Variants in NECTIN2 observed in about 807,000 individuals in gnomAD.
NECTIN2 encodes the protein nectin-2.
In NECTIN2, 23 loss-of-function variants were observed where a neutral mutation model predicts 56.9. That is an observed-to-expected ratio of 0.40 (90% CI 0.29 to 0.57). The LOEUF is 0.57. NECTIN2 is among the 20% of genes least tolerant of loss of function. The pLI is 0.38. For missense variants in NECTIN2, 587 were observed against 718.3 expected (o/e 0.82, Z 2.09); for synonymous variants, 302 against 313.8 (o/e 0.96, Z 0.40).
At chr19:44,860,265 C>T (rs1414942018) in intron 1 of NECTIN2, among the ~76,000 whole-genome samples, 2 of 152,100 alleles carry the variant, frequency 1.3e-5, no homozygotes, top group Non-Finnish European at 2.9e-5. Flanking sequence ...TGGCTCATGC[C>T]CGTAATCCGA....
chr19:44,872,342 C>A (rs1389497203), intron 3 of NECTIN2, among the ~76,000 whole-genome samples, 193 bp downstream of exon 3: 1 of 152,134 alleles, frequency 6.6e-6, no homozygotes, highest in Non-Finnish European at 1.5e-5. Context: ...TCTACATTGG[C>A]TTTACTGGGT....
chr19:44,881,070 G>C (rs986027591), intron 5 of NECTIN2, among the ~76,000 whole-genome samples: 1 of 109,664 alleles, frequency 9.1e-6, no homozygotes, highest in Non-Finnish European at 1.9e-5. Flanking sequence ...CAACGCGCCC[G>C]GCTAGCCCCC....
chr19:44,847,027 AC>A (rs1968843769), intron 1 of NECTIN2, among the ~76,000 whole-genome samples: 1 of 151,596 alleles, frequency 6.6e-6, no homozygotes, highest in African/African-American at 2.4e-5. Context: ...TGTTCCCCCC[AC>A]CTACCGCAGT....
intron 1 of NECTIN2, among the ~76,000 whole-genome samples, chr19:44,856,605 C>T (rs774837340): frequency 2.0e-5 from 3 of 152,194 alleles, no homozygotes; most frequent in Non-Finnish European, 4.4e-5. Context: ...TGGCCTTCCC[C>T]CCTTGCCTAG....
chr19:44,884,317 A>G (rs1599928392), intron 6 of NECTIN2, among the ~76,000 whole-genome samples: 1 of 151,818 alleles, frequency 6.6e-6, no homozygotes, highest in Admixed American at 6.6e-5. Flanking sequence ...CACCACACCT[A>G]GCTAGTTTTT....
intron 5 of NECTIN2, among the ~76,000 whole-genome samples, chr19:44,880,806 A>C (rs1446173041): frequency 2.9e-5 from 3 of 103,100 alleles, no homozygotes; most frequent in Non-Finnish European, 4.0e-5. Context: ...ACGGAGTTTC[A>C]CTCTTATCCA....
At chr19:44,869,583 ACT>A (rs1969147101) in intron 2 of NECTIN2, among the ~76,000 whole-genome samples, 1 of 124,486 alleles carries the variant, frequency 8.0e-6, no homozygotes, top group African/African-American at 3.2e-5. Context: ...ACAGAGCGAG[ACT>A]CCATCTCAAA....
chr19:44,888,219 C>T lies in NECTIN2; in HGVS notation c.1457C>T (p.Ala486Val), dbSNP rs1222318406. The T allele has an allele frequency of 1.9e-6, 3 of 1,614,146 alleles. No homozygotes were observed. In the South Asian group the frequency reaches 3.3e-5, roughly 18 times the overall value. Residue 486 changes from alanine to valine, a missense_variant, in exon 9 of 9, where the codon GCT becomes GTT. Transcript: ENST00000252483. Reference sequence around the variant, plus strand: ...ATCCCGGTGCCTCCAGGGCCACCTGCTGTGGAAGACGTTTCCCTGGATCTA... The same window carrying T: ...ATCCCGGTGCCTCCAGGGCCACCTGTTGTGGAAGACGTTTCCCTGGATCTA... ...SPIPVPPGPP[A>V]VEDVSLDLED...
chr19:44,856,091 G>A (rs1009602739), intron 1 of NECTIN2, among the ~76,000 whole-genome samples: 3 of 152,098 alleles, frequency 2.0e-5, no homozygotes, highest in East Asian at 1.9e-4. Context: ...ACCTGAGGTC[G>A]GGAGTTCGAG....
chr19:44,871,134 G>T (rs1172552476), intron 2 of NECTIN2, among the ~76,000 whole-genome samples: 3 of 152,150 alleles, frequency 2.0e-5, no homozygotes, highest in African/African-American at 7.2e-5. Context: ...CTAAAGTGCT[G>T]GTATTGCAGG....
At chr19:44,848,129 G>A (rs1295839330) in intron 1 of NECTIN2, among the ~76,000 whole-genome samples, 2 of 152,096 alleles carry the variant, frequency 1.3e-5, no homozygotes, top group Non-Finnish European at 2.9e-5. Flanking sequence ...GCTCTCACTG[G>A]CCTCCCAGCT....
rs919966335 is a variant in NECTIN2, at chr19:44,846,621, G to C, written c.88+8G>C. The C allele has an allele frequency of 1.1e-5, 17 of 1,524,060 alleles. No individual in the cohort carries two copies. The highest frequency in any genetic ancestry group is 1.4e-5 in the Non-Finnish European group (16 of 1,142,370). 94.4% of individuals were successfully genotyped at this position (1,524,060 alleles called of 1,614,324 possible). On this transcript the variant is annotated splice_region_variant and intron_variant, in intron 1 of 8. Coordinates refer to ENST00000252483, the MANE Select transcript of NECTIN2 (RefSeq NM_001042724.2). ...TGCTGCTCCTGGAAACCGGTGAGAC[G>C]AGCGGACGGCCCCCTGCCCTCGCGC...
rs1969091668 is a variant in NECTIN2, at chr19:44,865,594, T to C, written c.412T>C (p.Tyr138His). ...GCTCACGGTGGAGGACGAGGGCAAC[T>C]ACACTTGCGAGTTTGCCACCTTCCC... ...HGLTVEDEGN[Y>H]TCEFATFPKG... Residue 138 changes from tyrosine (Y) to histidine (H), a missense_variant, in exon 2 of 9, where the codon TAC becomes CAC. Tyr to His is a moderately conservative substitution (Grantham distance 83). Transcript: ENST00000252483. The surrounding 1 kb of genome is among the most constrained non-coding windows in gnomAD (Gnocchi z 5.2). The C allele has an allele frequency of 6.5e-7, 1 of 1,543,754 alleles. No homozygotes were observed. The highest frequency in any genetic ancestry group is 1.4e-5 in the African/African-American group (1 of 73,210).
In NECTIN2 at chr19:44,874,530, G is replaced by C. The variant is rs1969215380; in HGVS notation, c.1042+52G>C. On this transcript the variant is annotated intron_variant, in intron 5 of 8. Coordinates refer to ENST00000252483, the MANE Select transcript of NECTIN2 (RefSeq NM_001042724.2). This position sits in a 1 kb window ranked among gnomAD's most constrained non-coding sequence, Gnocchi z 6.3. Reference sequence around the variant, plus strand: ...GGAGACCTGGGTCCGCTCCCCTGGAGTTCTGCCCTTCAGGACTTGGGGCTG... The same window carrying C: ...GGAGACCTGGGTCCGCTCCCCTGGACTTCTGCCCTTCAGGACTTGGGGCTG... 1 of 1,602,032 alleles carries C rather than the reference G, an allele frequency of 6.2e-7. No homozygotes were observed. The highest frequency in any genetic ancestry group is 1.3e-5 in the African/African-American group (1 of 74,858).
intron 8 of NECTIN2, among the ~76,000 whole-genome samples, chr19:44,887,517 C>T (rs1292924605): frequency 3.3e-5 from 5 of 151,866 alleles, no homozygotes; most frequent in South Asian, 4.1e-4. Flanking sequence ...TGGTGGCGGG[C>T]GCCTGTAATC....
chr19:44,884,926 C>CTCCT (rs1375394937), intron 6 of NECTIN2, among the ~76,000 whole-genome samples: 3 of 152,232 alleles, frequency 2.0e-5, no homozygotes, highest in Non-Finnish European at 2.9e-5. Flanking sequence ...ATTTACTGAA[C>CTCCT]TCCTCATAGT....
intron 6 of NECTIN2, among the ~76,000 whole-genome samples, chr19:44,884,107 A>T (rs544415109): frequency 1.4e-5 from 2 of 138,362 alleles, no homozygotes; most frequent in African/African-American, 5.1e-5. Context: ...GAGACCTTGT[A>T]AAAAAAAAAA....
chr19:44,853,353 C>A (rs1219155560), intron 1 of NECTIN2, among the ~76,000 whole-genome samples: 1 of 152,114 alleles, frequency 6.6e-6, no homozygotes, highest in Non-Finnish European at 1.5e-5. Flanking sequence ...CCTGCCACCA[C>A]GCCCAGCTAA....
chr19:44,862,023 A>G (rs1969036618), intron 1 of NECTIN2, among the ~76,000 whole-genome samples: 1 of 152,264 alleles, frequency 6.6e-6, no homozygotes, highest in South Asian at 2.1e-4. Flanking sequence ...AAATCATTCT[A>G]TTACAAAGAT....
Sources: gnomAD v4.1 joint callset for allele counts (sites outside exome capture counted in the v4.1 genomes callset) on GRCh38, gnomAD v4.1.1 for gene constraint, Gnocchi (gnomAD v3.1) non-coding constraint, MANE v1.5 for transcripts, NCBI Gene and HGNC (gene_info 2026-07-23, HGNC 2026-07-21) for gene names.